The following PCDHA4 variants were observed in gnomAD, a reference collection of about 807,000 sequenced individuals.
The protein encoded by PCDHA4 is protocadherin alpha-4.
In PCDHA4, 49 loss-of-function variants were observed where a neutral mutation model predicts 61.4. The observed-to-expected ratio is 0.80, with a 90% confidence interval of 0.63 to 1.01. The LOEUF is 1.01. Ranked by LOEUF, PCDHA4 falls within the 50% of genes least tolerant of loss-of-function variation. The pLI is 0.00. For synonymous variants in PCDHA4, 590 were observed against 550.3 expected (o/e 1.07, Z -1.01); for missense variants, 1,254 against 1,235.8 (o/e 1.01, Z -0.22).
rs199976895 is a variant in PCDHA4 at position 140,968,276 on chromosome 5, G to T, written c.2386-10673G>T. The T allele has an allele frequency of 9.2e-5, 148 of 1,613,952 alleles. No homozygotes were observed. Among genetic ancestry groups the T allele is most frequent in the Admixed American group, 5.5e-4 (33 of 60,008 alleles). On this transcript the variant is annotated intron_variant, in intron 1 of 3. Transcript: ENST00000530339. ...CCCAGATGAAAAGGAGAATGCAGAGGTGACCTACTCCCTTCTGGAGAGGGA... is the reference window on the plus strand; with the variant it reads ...CCCAGATGAAAAGGAGAATGCAGAGTTGACCTACTCCCTTCTGGAGAGGGA...
At chr5:140,867,175 C>T (rs782419499) in intron 1 of PCDHA4, 5 of 152,056 alleles carry the variant, frequency 3.3e-5, no homozygotes, top group Admixed American at 1.3e-4. Context: ...GGTTCATTTC[C>T]CTACCTCGCA....
chr5:140,883,302 A>G, intron 1 of PCDHA4: 1 of 1,614,110 alleles, frequency 6.2e-7, no homozygotes, highest in Non-Finnish European at 8.5e-7. Flanking sequence ...GATGTAAATG[A>G]TAACGCCCCA....
At chr5:140,897,694 G>A (rs1091552) in intron 1 of PCDHA4, among the ~76,000 whole-genome samples, 2,266 of 152,206 alleles carry the variant, frequency 0.015, 53 homozygotes, top group African/African-American at 0.052. Context: ...AGTCCTTTGG[G>A]CATATACCCA....
At chr5:140,929,414 A>T (rs1174756115) in intron 1 of PCDHA4, 15 of 1,504,422 alleles carry the variant, frequency 1.0e-5, no homozygotes, top group Non-Finnish European at 1.3e-5. Context: ...GCCTTTCACA[A>T]CATTTCATCA....
chr5:140,922,883 T>G (rs963654982), intron 1 of PCDHA4, among the ~76,000 whole-genome samples: 2 of 152,134 alleles, frequency 1.3e-5, no homozygotes, highest in African/African-American at 2.4e-5. Flanking sequence ...TCCAAAGACA[T>G]CATTCAAGAA....
chr5:140,998,059 C>T (rs1471709750), intron 3 of PCDHA4, among the ~76,000 whole-genome samples: 1 of 152,154 alleles, frequency 6.6e-6, no homozygotes, highest in East Asian at 1.9e-4. Context: ...ACATCATCAT[C>T]AACAGACTTA....
At position 140,807,593 on chromosome 5, in the gene PCDHA4, A is replaced by G; in HGVS notation, c.406A>G (p.Thr136Ala). Residue 136 changes from threonine (T) to alanine (A), a missense_variant, in exon 1 of 4, where the codon ACA becomes GCA. Coordinates refer to ENST00000530339, the MANE Select transcript of PCDHA4 (RefSeq NM_018907.4). ...CGATAACCCGCCGGTGTTCCCAGCAACACAAAAGAACCTGTCCATCGCGGA... is the reference window on the plus strand; with the variant it reads ...CGATAACCCGCCGGTGTTCCCAGCAGCACAAAAGAACCTGTCCATCGCGGA... Reference protein sequence around the residue: ...INDNPPVFPATQKNLSIAESR... With the variant: ...INDNPPVFPAAQKNLSIAESR... The G allele has an allele frequency of 3.1e-6, 5 of 1,614,166 alleles. No individual in the cohort carries two copies. Among genetic ancestry groups the G allele is most frequent in the Admixed American group, 1.7e-5 (1 of 60,020 alleles).
chr5:140,843,082 G>C (rs1265027526), intron 1 of PCDHA4: 3 of 1,595,314 alleles, frequency 1.9e-6, no homozygotes, highest in African/African-American at 1.3e-5. Flanking sequence ...CTGTGGGCGC[G>C]GGCCACGTGG....
intron 3 of PCDHA4, among the ~76,000 whole-genome samples, chr5:140,986,633 C>T (rs566373023): frequency 5.9e-5 from 9 of 152,266 alleles, no homozygotes; most frequent in Admixed American, 3.3e-4. Context: ...GGCAACAGTA[C>T]ATTAGTTTTA....
At chr5:140,838,290 T>TC (rs1775657451) in intron 1 of PCDHA4, among the ~76,000 whole-genome samples, 2 of 150,172 alleles carry the variant, frequency 1.3e-5, no homozygotes, top group Non-Finnish European at 3.0e-5. Flanking sequence ...ATTTTTTTTT[T>TC]TTTTTGTATT....
intron 1 of PCDHA4, among the ~76,000 whole-genome samples, chr5:140,942,058 C>T (rs2093224752): frequency 6.6e-6 from 1 of 152,040 alleles, no homozygotes; most frequent in Non-Finnish European, 1.5e-5. Flanking sequence ...GAAATGTTTG[C>T]TAATTGAGCC....
At chr5:140,830,488 A>C in intron 1 of PCDHA4, 1 of 1,494,964 alleles carries the variant, frequency 6.7e-7, no homozygotes, top group Middle Eastern at 1.8e-4. Flanking sequence ...ATGCCAAAGT[A>C]AGTGAATTTT....
rs1554205452 is a variant in PCDHA4 at position 140,928,080 on chromosome 5, C to T, written c.2386-50869C>T. ...CGGCTTCCTTTGACAACTACTACAG[C>T]CTGCTGATTGATGGGCCCCTGGACC... On this transcript the variant is annotated intron_variant, in intron 1 of 3. Transcript: ENST00000530339. The T allele has an allele frequency of 2.5e-6, 4 of 1,614,072 alleles. No homozygotes were observed. The African/African-American group carries it at 4.0e-5, about 16-fold the overall frequency.
intron 1 of PCDHA4, chr5:140,843,527 A>T (rs2150362053): frequency 6.3e-7 from 1 of 1,595,944 alleles, no homozygotes; most frequent in East Asian, 2.2e-5. Flanking sequence ...CCGGGCGGGC[A>T]AGCCCACTCT....
At chr5:140,889,054 T>C in intron 1 of PCDHA4, among the ~76,000 whole-genome samples, 1 of 152,100 alleles carries the variant, frequency 6.6e-6, no homozygotes, top group Non-Finnish European at 1.5e-5. Flanking sequence ...TTTATAATCC[T>C]TTTAATATAC....
chr5:140,836,793 T>C, intron 1 of PCDHA4: 8 of 1,403,902 alleles, frequency 5.7e-6, no homozygotes, highest in Non-Finnish European at 7.8e-6. Flanking sequence ...GTTCAATTGG[T>C]CTCCTTAAAT....
rs2150152042 is a variant in PCDHA4, at chr5:140,828,184, C to G, written c.2385+18612C>G. On this transcript the variant is annotated intron_variant, in intron 1 of 3. Transcript: ENST00000530339. ...CCTGGAAGGTGGGGAGCGGCCAGCT[C>G]CACTACTCCGTACCCGAGGAGGCCA... 6.4e-5 allele frequency: 104 copies of G among 1,614,162 alleles called. 2 individuals carry two copies. In the South Asian group the frequency reaches 1.1e-3, roughly 18 times the overall value.
chr5:140,926,659 C>T, intron 1 of PCDHA4: 1 of 531,904 alleles, frequency 1.9e-6, no homozygotes, highest in Non-Finnish European at 3.0e-6. Context: ...CTCCGCTTTC[C>T]CAGACGGCTG....
chr5:140,893,519 C>T (rs1199543838), intron 1 of PCDHA4, among the ~76,000 whole-genome samples: 1 of 152,084 alleles, frequency 6.6e-6, no homozygotes, highest in African/African-American at 2.4e-5. Flanking sequence ...AGTTGTAGAA[C>T]TCCTTTAAGT....
Sources: gnomAD v4.1 joint callset for allele counts (sites outside exome capture counted in the v4.1 genomes callset) on GRCh38, gnomAD v4.1.1 for gene constraint, MANE v1.5 for transcripts, NCBI Gene and HGNC (gene_info 2026-07-23, HGNC 2026-07-21) for gene names.